Variants in QTRT1 observed in about 807,000 individuals in gnomAD.
QTRT1 encodes the protein TGT, 43-KD subunit.
In QTRT1, 41 loss-of-function variants were observed where a neutral mutation model predicts 44.0. That is an observed-to-expected ratio of 0.93 (90% confidence interval 0.73 to 1.21). The LOEUF (loss-of-function observed/expected upper bound fraction) is 1.21, where lower values mean the gene tolerates loss of function less well. Ranked by LOEUF, QTRT1 falls within the 50% of genes most tolerant of loss-of-function variation. The pLI is 0.00. For missense variants in QTRT1, 542 were observed against 575.8 expected, an observed-to-expected ratio of 0.94 and a Z score of 0.60; for synonymous variants, 226 against 237.1, an observed-to-expected ratio of 0.95 and a Z score of 0.43.
Position 10,701,796 on chromosome 19 carries a change from T to C in QTRT1, c.243+93T>C, listed in dbSNP as rs2068690344. On this transcript the variant is annotated intron_variant, in intron 1 of 9. Coordinates refer to ENST00000250237, the MANE Select transcript of QTRT1 (RefSeq NM_031209.3). ...CCAGGCCCGGACACTCCTCCCAAAG[T>C]CAATCGACCAGCTGTATTGAGCGCC... 10 of 1,566,926 alleles carry C rather than the reference T, an allele frequency of 6.4e-6. No homozygotes were observed. In the Admixed American group the frequency reaches 1.6e-4, roughly 25 times the overall value.
intron 5 of QTRT1, among the ~76,000 whole-genome samples, chr19:10,708,634 A>G (rs1184944246): frequency 6.6e-6 from 1 of 151,842 alleles, no homozygotes; most frequent in Non-Finnish European, 1.5e-5. Flanking sequence ...TCCCCTTCCC[A>G]TGATCCGACC....
chr19:10,705,029 C>T (rs768635764), intron 3 of QTRT1, among the ~76,000 whole-genome samples: 12 of 151,142 alleles, frequency 7.9e-5, no homozygotes, highest in Non-Finnish European at 1.8e-4. Context: ...TATTCTCCTG[C>T]CTCAGCCTCC....
chr19:10,706,530 G>A (rs1354361829), intron 3 of QTRT1, among the ~76,000 whole-genome samples: 3 of 151,692 alleles, frequency 2.0e-5, no homozygotes, highest in East Asian at 1.9e-4. Flanking sequence ...ATACCACCAC[G>A]CCCGGCTAAT....
Position 10,712,515 on chromosome 19 carries a change from A to G in QTRT1, c.786-38A>G. 1 of 1,564,020 alleles carries G rather than the reference A, an allele frequency of 6.4e-7. No homozygotes were observed. Among genetic ancestry groups the G allele is most frequent in the South Asian group, 1.1e-5 (1 of 90,072 alleles). On this transcript the variant is annotated intron_variant, in intron 6 of 9. Transcript: ENST00000250237. This position sits in a 1 kb window ranked among gnomAD's most constrained non-coding sequence, Gnocchi z 5.6. ...TGGGAGGGGCCCTGGGAAGCCCCTG[A>G]GGTTCTCTGCCCCCTCCCGTCATGG...
In QTRT1 at chr19:10,707,508, G is replaced by A. The variant is rs767335139; in HGVS notation, c.539G>A (p.Arg180His). The A allele has an allele frequency of 3.2e-5, 52 of 1,611,204 alleles. No individual in the cohort carries two copies. The highest frequency in any genetic ancestry group is 4.5e-5 in the East Asian group (2 of 44,802). ...RVEEAMYRSIRWLDRCIAAHQ... is the reference protein window; with the variant it reads ...RVEEAMYRSIHWLDRCIAAHQ... ...CTGGGGCCCTGTTGCAGGTCAATCC[G>A]CTGGCTGGACCGGTGCATTGCAGCC... Residue 180 changes from arginine (R) to histidine (H), a missense_variant, in exon 5 of 10, where the codon CGC (arginine) becomes CAC (histidine). Arg to His is a conservative substitution (Grantham distance 29). Coordinates refer to ENST00000250237, the MANE Select transcript of QTRT1 (RefSeq NM_031209.3).
intron 5 of QTRT1, among the ~76,000 whole-genome samples, chr19:10,710,215 A>T (rs891452371): frequency 1.3e-5 from 2 of 152,044 alleles, no homozygotes; most frequent in Admixed American, 1.3e-4. Flanking sequence ...AAGAGAAAAA[A>T]CTTAGAATGC....
intron 5 of QTRT1, chr19:10,711,898 G>A (rs2068740275): frequency 1.7e-6 from 1 of 573,474 alleles, no homozygotes; most frequent in Non-Finnish European, 3.1e-6. Flanking sequence ...GAAGGAAAAG[G>A]TCTTGCATAC....
chr19:10,707,683 G>C (rs1268327803), intron 5 of QTRT1, 68 bp downstream of exon 5: 2 of 1,185,180 alleles, frequency 1.7e-6, no homozygotes, highest in African/African-American at 3.0e-5. Flanking sequence ...CCTGGCGTAT[G>C]GCGGGACTGG....
intron 3 of QTRT1, chr19:10,706,686 C>CTTTT (rs55863409): frequency 2.8e-4 from 37 of 131,386 alleles, no homozygotes; most frequent in Non-Finnish European, 5.0e-4. Flanking sequence ...TTTTTTTAAC[C>CTTTT]TTTTTTTTTT....
In QTRT1 at chr19:10,713,181, G is replaced by A; in HGVS notation, c.1123G>A (p.Asp375Asn). The A allele has an allele frequency of 6.2e-7, 1 of 1,609,900 alleles. No individual in the cohort carries two copies. The highest frequency in any genetic ancestry group is 1.3e-5 in the African/African-American group (1 of 74,998). Residue 375 changes from aspartate (D) to asparagine (N), a missense_variant, in exon 10 of 10, where the codon GAC (aspartate) becomes AAC (asparagine). Coordinates refer to ENST00000250237, the MANE Select transcript of QTRT1 (RefSeq NM_031209.3). This position sits in a 1 kb window ranked among gnomAD's most constrained non-coding sequence, Gnocchi z 4.3. The part of the protein sequence containing the change: ...VEKRFPDFVR[D>N]FMGAMYGDPT... Reference sequence around the variant, plus strand: ...GAAGCGCTTCCCGGACTTCGTGCGGGACTTCATGGGCGCCATGTACGGGGA... The same window carrying A: ...GAAGCGCTTCCCGGACTTCGTGCGGAACTTCATGGGCGCCATGTACGGGGA...
intron 3 of QTRT1, among the ~76,000 whole-genome samples, chr19:10,702,957 CAG>C (rs753845757): frequency 6.7e-5 from 10 of 150,302 alleles, no homozygotes; most frequent in Non-Finnish European, 1.3e-4. Context: ...TTAGTAGAGA[CAG>C]GGTTTCTCCA....
rs755089184 is a variant in QTRT1 at position 10,712,524 on chromosome 19, G to GC, written c.786-24dup. 1 of 1,603,844 alleles carries GC rather than the reference G, an allele frequency of 6.2e-7. No homozygotes were observed. The highest frequency in any genetic ancestry group is 1.1e-5 in the South Asian group (1 of 90,876). On this transcript the variant is annotated intron_variant, in intron 6 of 9. Transcript: ENST00000250237. This position sits in a 1 kb window ranked among gnomAD's most constrained non-coding sequence, Gnocchi z 5.6. ...CCCTGGGAAGCCCCTGAGGTTCTCT[G>GC]CCCCCTCCCGTCATGGCTGCAACCC... is the stretch of plus-strand genomic sequence containing the variant.
At position 10,712,109 on chromosome 19, in the gene QTRT1, AG is replaced by A. The variant is rs2068741187; in HGVS notation, c.647-51del. ...TGGGCAGGGTGTGTTCTGGGATTGA[AG>A]ACCAGGCGCATTTCCTCTTCTGTGG... On this transcript the variant is annotated intron_variant, in intron 5 of 9. Transcript: ENST00000250237. The surrounding 1 kb of genome is among the most constrained non-coding windows in gnomAD (Gnocchi z 5.6). 1 of 1,607,574 alleles carries A rather than the reference AG, an allele frequency of 6.2e-7. No individual in the cohort carries two copies. Among genetic ancestry groups the A allele is most frequent in the African/African-American group, 1.3e-5 (1 of 74,850 alleles).
chr19:10,709,749 C>T (rs78219104), intron 5 of QTRT1, among the ~76,000 whole-genome samples: 10,996 of 151,636 alleles, frequency 0.073, 539 homozygotes, highest in Middle Eastern at 0.12. Context: ...CTCGGGAGGC[C>T]GAGGCAGGAG....
chr19:10,701,770 T>G (rs1441415486), intron 1 of QTRT1, 67 bp downstream of exon 1: 1 of 1,556,730 alleles, frequency 6.4e-7, no homozygotes, highest in Admixed American at 1.9e-5. Flanking sequence ...TGGAGCGTCC[T>G]CCAGGCCCGG....
intron 3 of QTRT1, among the ~76,000 whole-genome samples, chr19:10,703,028 C>G (rs960093031): frequency 2.7e-5 from 4 of 150,018 alleles, no homozygotes; most frequent in Non-Finnish European, 4.4e-5. Flanking sequence ...CTCGGCCTCC[C>G]AGAGTGCTGG....
At position 10,713,068 on chromosome 19, in the gene QTRT1, C is replaced by T. The variant is rs116206198; in HGVS notation, c.1059+28C>T. Reference sequence around the variant, plus strand: ...GAGCCAGTGCCCGGGGCAAGGTGGGCGGGGGTGTCCTAGGTGCGTATGCCC... The same window carrying T: ...GAGCCAGTGCCCGGGGCAAGGTGGGTGGGGGTGTCCTAGGTGCGTATGCCC... On this transcript the variant is annotated intron_variant, in intron 9 of 9. Coordinates refer to ENST00000250237, the MANE Select transcript of QTRT1 (RefSeq NM_031209.3). This position sits in a 1 kb window ranked among gnomAD's most constrained non-coding sequence, Gnocchi z 4.3. 1,944 of 1,609,010 alleles carry T rather than the reference C, an allele frequency of 1.2e-3. 27 individuals carry two copies. In the African/African-American group the frequency reaches 0.023, roughly 19 times the overall value.
In QTRT1 at chr19:10,712,224, C is replaced by T. The variant is rs1488026762; in HGVS notation, c.710C>T (p.Ser237Leu). ...IGGLSGGESKSQFWRMVALST... is the reference protein window; with the variant it reads ...IGGLSGGESKLQFWRMVALST... ...GGCCTGAGCGGGGGTGAGAGCAAGTCGCAGTTCTGGCGGATGGTGGCGCTG... is the reference window on the plus strand; with the variant it reads ...GGCCTGAGCGGGGGTGAGAGCAAGTTGCAGTTCTGGCGGATGGTGGCGCTG... The change falls in exon 6 of 10, where the codon TCG becomes TTG. Residue 237 changes from serine to leucine, a missense_variant. Coordinates refer to ENST00000250237, the MANE Select transcript of QTRT1 (RefSeq NM_031209.3). The surrounding 1 kb of genome is among the most constrained non-coding windows in gnomAD (Gnocchi z 5.6). 4 of 1,614,064 alleles carry T rather than the reference C, an allele frequency of 2.5e-6. No individual in the cohort carries two copies. Among genetic ancestry groups the T allele is most frequent in the South Asian group, 1.1e-5 (1 of 91,074 alleles).
In QTRT1 at chr19:10,701,942, C is replaced by T. The variant is rs755810543; in HGVS notation, c.244-8C>T. ...CCCCTAACCTGACACTTTCTTCCATCAACCCAGGGACCCGAGCTGATCCAG... is the reference window on the plus strand; with the variant it reads ...CCCCTAACCTGACACTTTCTTCCATTAACCCAGGGACCCGAGCTGATCCAG... On this transcript the variant is annotated splice_polypyrimidine_tract_variant and splice_region_variant and intron_variant, in intron 1 of 9. Transcript: ENST00000250237. 7.4e-6 allele frequency: 12 copies of T among 1,614,176 alleles called. No homozygotes were observed. The South Asian group carries it at 1.3e-4, about 18-fold the overall frequency.
Sources: allele counts gnomAD v4.1 joint callset (sites outside exome capture counted in the v4.1 genomes callset), GRCh38; gene constraint gnomAD v4.1.1; non-coding constraint Gnocchi (gnomAD v3.1); transcripts MANE v1.5; gene names NCBI Gene and HGNC (gene_info 2026-07-23, HGNC 2026-07-21).